The following PARK7 variants were observed in gnomAD, a reference collection of about 807,000 sequenced individuals.
PARK7 encodes the protein Parkinson disease protein 7.
In PARK7, 14 loss-of-function variants were observed where a neutral mutation model predicts 20.5. The ratio of observed to expected loss-of-function variants is 0.68; its 90% confidence interval spans 0.45 to 1.07. The LOEUF is 1.07. Among genes scored for constraint, PARK7 ranks in the 50% least tolerant of loss-of-function variants. The pLI is 0.00. For synonymous variants in PARK7, 98 were observed against 84.3 expected, an observed-to-expected ratio of 1.16 and a Z score of -0.89; for missense variants, 234 against 238.1, an observed-to-expected ratio of 0.98 and a Z score of 0.11.
At chr1:7,976,496 G>A (rs986173373) in intron 5 of PARK7, among the ~76,000 whole-genome samples, 1 of 152,100 alleles carries the variant, frequency 6.6e-6, no homozygotes, top group Non-Finnish European at 1.5e-5. Flanking sequence ...AAAATCTCAA[G>A]TTAGGACCTG....
chr1:7,966,913 C>T (rs925999929), intron 3 of PARK7, among the ~76,000 whole-genome samples: 1 of 152,100 alleles, frequency 6.6e-6, no homozygotes, highest in African/African-American at 2.4e-5. Context: ...TCAAACATTT[C>T]TTTGTGTTGG....
intron 4 of PARK7, among the ~76,000 whole-genome samples, 180 bp downstream of exon 4, chr1:7,969,584 C>CT (rs35540656): frequency 1.2e-3 from 180 of 146,100 alleles, no homozygotes; most frequent in Middle Eastern, 0.011. Context: ...TTAACTCAAA[C>CT]TTTTTTTTTT....
rs1578089516 is a variant in PARK7 at position 7,962,696 on chromosome 1, A to G, written c.-23-67A>G. 10 of 1,026,676 alleles carry G rather than the reference A, an allele frequency of 9.7e-6. No individual in the cohort carries two copies. In the Admixed American group the frequency reaches 2.2e-4, roughly 23 times the overall value. The allele number at this position is 1,026,676 out of a possible 1,614,324, so 63.6% of individuals were successfully genotyped here. On this transcript the variant is annotated intron_variant, in intron 1 of 6. Coordinates refer to ENST00000338639, the MANE Select transcript of PARK7 (RefSeq NM_007262.5). ...CTGCTTGAAAATGCTCCTAAACTTT[A>G]AATTTTGGGGTATCTCAGGGTTGCA...
chr1:7,975,286 G>T (rs1221107430), intron 5 of PARK7, among the ~76,000 whole-genome samples: 1 of 152,162 alleles, frequency 6.6e-6, no homozygotes, highest in Non-Finnish European at 1.5e-5. Context: ...AAAATTAAAT[G>T]ATATTTACTT....
At chr1:7,982,193 G>A (rs1430697013) in intron 6 of PARK7, among the ~76,000 whole-genome samples, 3 of 149,376 alleles carry the variant, frequency 2.0e-5, no homozygotes, top group Non-Finnish European at 4.4e-5. Context: ...CACCATGTTG[G>A]TCAGGCTGGT....
intron 5 of PARK7, among the ~76,000 whole-genome samples, chr1:7,974,154 A>C: frequency 7.5e-6 from 1 of 133,424 alleles, no homozygotes; most frequent in Admixed American, 7.7e-5. Context: ...CGACCTCTAC[A>C]AAAAAATATT....
At chr1:7,970,368 G>C (rs571148469) in intron 4 of PARK7, among the ~76,000 whole-genome samples, 1 of 152,276 alleles carries the variant, frequency 6.6e-6, no homozygotes, top group Admixed American at 6.5e-5. Context: ...TCTTAACTGG[G>C]GGAAGCTGTG....
intron 3 of PARK7, chr1:7,969,027 A>G: frequency 4.1e-6 from 1 of 244,780 alleles, no homozygotes; most frequent in South Asian, 6.9e-5. Flanking sequence ...GCTTGTGGTG[A>G]TTGTACACAT....
intron 4 of PARK7, 46 bp downstream of exon 4, chr1:7,969,450 G>GCCC: frequency 1.4e-6 from 1 of 740,566 alleles, no homozygotes; most frequent in Non-Finnish European, 2.4e-6. Context: ...TGGGGGGGGG[G>GCCC]AAAAACTAAA....
chr1:7,967,326 C>A (rs1320073209), intron 3 of PARK7, among the ~76,000 whole-genome samples: 13 of 151,956 alleles, frequency 8.6e-5, no homozygotes, highest in Non-Finnish European at 1.6e-4. Context: ...TGTTGTTGGA[C>A]CTAGGTTGAT....
intron 5 of PARK7, among the ~76,000 whole-genome samples, chr1:7,972,378 G>T (rs983735057): frequency 2.0e-5 from 3 of 152,260 alleles, no homozygotes; most frequent in South Asian, 4.1e-4. Flanking sequence ...TGAGATGGGA[G>T]GATCGCTTGA....
intron 2 of PARK7, among the ~76,000 whole-genome samples, chr1:7,963,353 C>G (rs1438441934): frequency 6.6e-6 from 1 of 151,914 alleles, no homozygotes; most frequent in Non-Finnish European, 1.5e-5. Flanking sequence ...GCGTGAGCCA[C>G]TGCACTGTCC....
chr1:7,965,990 A>G (rs1640318608), intron 3 of PARK7, among the ~76,000 whole-genome samples: 1 of 152,132 alleles, frequency 6.6e-6, no homozygotes, highest in Non-Finnish European at 1.5e-5. Flanking sequence ...TTCTAAAGAT[A>G]CTTTCAGAGT....
intron 4 of PARK7, 41 bp from the exon 5 acceptor site, chr1:7,970,853 T>C (rs1167378004): frequency 9.4e-6 from 15 of 1,603,094 alleles, no homozygotes; most frequent in Non-Finnish European, 1.0e-5. Flanking sequence ...GGTTAGTGGC[T>C]TAATGATAAC....
At chr1:7,967,666 C>T (rs1335353431) in intron 3 of PARK7, among the ~76,000 whole-genome samples, 1 of 152,162 alleles carries the variant, frequency 6.6e-6, no homozygotes, top group Non-Finnish European at 1.5e-5. Context: ...CACCTGAAAT[C>T]CTAGCACTTT....
intron 5 of PARK7, among the ~76,000 whole-genome samples, chr1:7,972,319 T>C (rs560203301): frequency 7.9e-5 from 12 of 151,848 alleles, no homozygotes; most frequent in Non-Finnish European, 1.5e-4. Context: ...AAACAAAAAA[T>C]TAGCCAAGCA....
intron 2 of PARK7, among the ~76,000 whole-genome samples, chr1:7,965,027 A>G (rs1384590505): frequency 2.0e-5 from 3 of 152,162 alleles, no homozygotes; most frequent in Admixed American, 6.5e-5. Context: ...TAAATTTGGT[A>G]TAGTTGTGGT....
At chr1:7,974,650 A>C (rs1264865796) in intron 5 of PARK7, among the ~76,000 whole-genome samples, 2 of 151,746 alleles carry the variant, frequency 1.3e-5, no homozygotes, top group Admixed American at 6.6e-5. Flanking sequence ...AATTATATAA[A>C]AAACAGTAAA....
At chr1:7,966,167 T>C (rs1215465765) in intron 3 of PARK7, among the ~76,000 whole-genome samples, 1 of 152,018 alleles carries the variant, frequency 6.6e-6, no homozygotes, top group Non-Finnish European at 1.5e-5. Context: ...GTGTGGACTG[T>C]ACCCTCTGAC....
Sources: allele counts gnomAD v4.1 joint callset (sites outside exome capture counted in the v4.1 genomes callset), GRCh38; gene constraint gnomAD v4.1.1; transcripts MANE v1.5; gene names NCBI Gene and HGNC (gene_info 2026-07-23, HGNC 2026-07-21).